The following ASIC2 variants were observed in gnomAD, a reference collection of about 807,000 sequenced individuals.
ASIC2 encodes acid sensing ion channel subunit 2, also known as acid-sensing ion channel 2.
A neutral mutation model predicts 57.3 loss-of-function variants in ASIC2; 25 were observed. That is an observed-to-expected ratio of 0.44 (90% CI 0.32 to 0.61). ASIC2 has a LOEUF of 0.61. Among genes scored for constraint, ASIC2 ranks in the 20% least tolerant of loss-of-function variants. The pLI is 0.06. For synonymous variants in ASIC2, 319 were observed against 307.5 expected (o/e 1.04, Z -0.39); for missense variants, 641 against 738.1 (o/e 0.87, Z 1.52).
intron 1 of ASIC2, among the ~76,000 whole-genome samples, chr17:33,957,655 T>G (rs1375437135): frequency 6.6e-6 from 1 of 152,030 alleles, no homozygotes; most frequent in African/African-American, 2.4e-5. Context: ...TCCCACCAGT[T>G]CTCTCCCATG....
At chr17:33,401,938 G>A (rs1329652537) in intron 1 of ASIC2, among the ~76,000 whole-genome samples, 1 of 152,186 alleles carries the variant, frequency 6.6e-6, no homozygotes, top group Non-Finnish European at 1.5e-5. Context: ...ATGTTTAAAT[G>A]ACACGAATGA....
intron 1 of ASIC2, among the ~76,000 whole-genome samples, chr17:33,396,597 C>T (rs1910086771): frequency 6.6e-6 from 1 of 152,182 alleles, no homozygotes; most frequent in Non-Finnish European, 1.5e-5. Context: ...GGCTTTACCT[C>T]ATTGCCTCAC....
intron 7 of ASIC2, 96 bp from the exon 8 acceptor site, chr17:33,017,780 C>T (rs1237114495): frequency 1.7e-6 from 2 of 1,171,090 alleles, no homozygotes; most frequent in Non-Finnish European, 2.5e-6. Context: ...TGAATGGCGC[C>T]CCCTCCATGG....
chr17:33,747,683 A>G (rs978365729), intron 1 of ASIC2, among the ~76,000 whole-genome samples: 4 of 152,010 alleles, frequency 2.6e-5, no homozygotes, highest in African/African-American at 9.7e-5. Flanking sequence ...TTTTCTCCCT[A>G]TGGACTCCAC....
chr17:33,648,424 C>A (rs1906814587), intron 1 of ASIC2, among the ~76,000 whole-genome samples: 1 of 152,232 alleles, frequency 6.6e-6, no homozygotes, highest in South Asian at 2.1e-4. Flanking sequence ...ACTGCAGTAT[C>A]CCCACTGCCT....
At chr17:33,181,049 C>T (rs1016199282) in intron 1 of ASIC2, among the ~76,000 whole-genome samples, 3 of 152,146 alleles carry the variant, frequency 2.0e-5, no homozygotes, top group African/African-American at 4.8e-5. Context: ...AAGCACTTGG[C>T]CAGTTCATAG....
At chr17:33,811,446 G>T (rs1410391564) in intron 1 of ASIC2, among the ~76,000 whole-genome samples, 1 of 152,148 alleles carries the variant, frequency 6.6e-6, no homozygotes, top group Non-Finnish European at 1.5e-5. Context: ...AACATTTTGG[G>T]TTTTTTTGCA....
intron 1 of ASIC2, among the ~76,000 whole-genome samples, chr17:33,688,092 TG>T (rs1370774455): frequency 6.6e-6 from 1 of 152,108 alleles, no homozygotes; most frequent in Non-Finnish European, 1.5e-5. Context: ...GGAATGTGTG[TG>T]TTGGGGGTGG....
At chr17:33,205,303 G>T (rs1428724424) in intron 1 of ASIC2, among the ~76,000 whole-genome samples, 3 of 152,218 alleles carry the variant, frequency 2.0e-5, no homozygotes, top group Non-Finnish European at 4.4e-5. Context: ...CCTGCCTTGT[G>T]CCTCTGGAAA....
intron 1 of ASIC2, among the ~76,000 whole-genome samples, chr17:33,978,265 C>T (rs994601916): frequency 7.9e-5 from 12 of 152,138 alleles, no homozygotes; most frequent in African/African-American, 2.7e-4. Flanking sequence ...CCAATGTTTC[C>T]GTGAAGGCAG....
chr17:33,595,881 C>T (rs1904964333), intron 1 of ASIC2, among the ~76,000 whole-genome samples: 1 of 152,212 alleles, frequency 6.6e-6, no homozygotes, highest in Admixed American at 6.5e-5. Flanking sequence ...TCAGCTGTGT[C>T]TTGCCTTCTC....
At chr17:33,103,291 T>C (rs188888049) in intron 2 of ASIC2, among the ~76,000 whole-genome samples, 1 of 152,308 alleles carries the variant, frequency 6.6e-6, no homozygotes, top group East Asian at 1.9e-4. Flanking sequence ...TTCTAAGCAC[T>C]TCATAAATAT....
intron 1 of ASIC2, among the ~76,000 whole-genome samples, chr17:33,332,298 A>G (rs1387666609): frequency 6.6e-6 from 1 of 152,258 alleles, no homozygotes; most frequent in Non-Finnish European, 1.5e-5. Context: ...CTATTTTTAA[A>G]AAAGTTGAAA....
At chr17:33,850,041 A>C (rs191852265) in intron 1 of ASIC2, among the ~76,000 whole-genome samples, 1 of 152,312 alleles carries the variant, frequency 6.6e-6, no homozygotes, top group African/African-American at 2.4e-5. Flanking sequence ...AGAGGGGGAA[A>C]CACATCCCGA....
chr17:33,129,293 C>G (rs2092336123), intron 1 of ASIC2, among the ~76,000 whole-genome samples: 1 of 152,096 alleles, frequency 6.6e-6, no homozygotes, highest in African/African-American at 2.4e-5. Flanking sequence ...AATCAGGTCT[C>G]CTTCTATTAA....
intron 1 of ASIC2, among the ~76,000 whole-genome samples, chr17:33,579,618 A>C (rs1465593978): frequency 6.6e-6 from 1 of 152,100 alleles, no homozygotes. Context: ...TTGTTCCTTC[A>C]GGTGTTCAGC....
At chr17:33,559,279 A>G (rs964713174) in intron 1 of ASIC2, among the ~76,000 whole-genome samples, 7 of 152,018 alleles carry the variant, frequency 4.6e-5, no homozygotes, top group Non-Finnish European at 7.4e-5. Context: ...TACCACAAAG[A>G]TATCTGGGGC....
chr17:34,051,301 T>C (rs928178911), intron 1 of ASIC2, among the ~76,000 whole-genome samples: 11 of 152,176 alleles, frequency 7.2e-5, no homozygotes, highest in African/African-American at 2.7e-4. Context: ...ACTAGCATCC[T>C]GGAGCAGGGC....
intron 1 of ASIC2, among the ~76,000 whole-genome samples, chr17:33,998,702 T>C (rs980722501): frequency 6.6e-6 from 1 of 152,206 alleles, no homozygotes; most frequent in Non-Finnish European, 1.5e-5. Context: ...GTTTTGATTT[T>C]TTATTTCATA....
Sources: allele counts gnomAD v4.1 joint callset (sites outside exome capture counted in the v4.1 genomes callset), GRCh38; gene constraint gnomAD v4.1.1; transcripts MANE v1.5; gene names NCBI Gene and HGNC (gene_info 2026-07-23, HGNC 2026-07-21).